SBK1: variants seen among roughly 807,000 people sequenced by gnomAD.
The protein encoded by SBK1 is serine/threonine-protein kinase SBK1.
In SBK1, 11 loss-of-function variants were observed where a neutral mutation model predicts 24.4. The ratio of observed to expected loss-of-function variants is 0.45; its 90% CI spans 0.28 to 0.75. The LOEUF (loss-of-function observed/expected upper bound fraction) is 0.75, where lower values mean the gene tolerates loss of function less well. SBK1 is among the 30% of genes least tolerant of loss of function. The pLI is 0.12. For synonymous variants in SBK1, 308 were observed against 284.4 expected, an observed-to-expected ratio of 1.08 and a Z score of -0.83; for missense variants, 467 against 620.5, an observed-to-expected ratio of 0.75 and a Z score of 2.63.
At chr16:28,282,503 T>C (rs972060488) in intron 1 of SBK1, among the ~76,000 whole-genome samples, 5 of 152,150 alleles carry the variant, frequency 3.3e-5, no homozygotes, top group Admixed American at 6.5e-5. Context: ...AATTTTACAT[T>C]TGTTGGCATG....
rs765998591 is a variant in SBK1, at chr16:28,320,177, C to T, written c.531C>T (p.Pro177=). The change falls in exon 4 of 4, where the codon CCC becomes CCT. Residue 177 remains proline, a synonymous_variant. Coordinates refer to ENST00000341901, the MANE Select transcript of SBK1 (RefSeq NM_001024401.3). This position sits in a 1 kb window ranked among gnomAD's most constrained non-coding sequence, Gnocchi z 8.5. ...AGCTGGTGCACCGCGACATCAAGCC[C>T]GAGAACGTGCTGCTGTTCGACCGCG... is the stretch of plus-strand genomic sequence containing the variant. The part of the protein sequence containing the change: ...GRQLVHRDIK[P]ENVLLFDREC... 6.3e-7 allele frequency: 1 copy of T among 1,591,812 alleles called. No homozygotes were observed. The highest frequency in any genetic ancestry group is 1.3e-5 in the African/African-American group (1 of 74,772).
At chr16:28,263,463 C>G (rs1309102943) in intron 1 of SBK1, among the ~76,000 whole-genome samples, 1 of 152,118 alleles carries the variant, frequency 6.6e-6, no homozygotes, top group Non-Finnish European at 1.5e-5. Context: ...CGGGTAGTAA[C>G]AGCAGCTCAG....
chr16:28,292,943 G>GC lies in SBK1; in HGVS notation c.-360dup. On this transcript the variant is annotated 5_prime_UTR_variant, in exon 1 of 4. Transcript: ENST00000341901. ...CCCGCCCCAAGACCTAGAACGCAGT[G>GC]CCCCCAGGCCGGGATTGCGAGAACC... The GC allele has an allele frequency of 1.0e-6, 1 of 972,054 alleles. No homozygotes were observed. Among genetic ancestry groups the GC allele is most frequent in the Non-Finnish European group, 1.2e-6 (1 of 818,396 alleles). The allele number at this position is 972,054 out of a possible 1,614,324, so 60.2% of individuals were successfully genotyped here.
intron 1 of SBK1, among the ~76,000 whole-genome samples, chr16:28,304,903 C>T (rs1036804631): frequency 9.2e-5 from 14 of 152,014 alleles, no homozygotes; most frequent in African/African-American, 2.2e-4. Context: ...CCACCGCGCA[C>T]GGCAGCGGTA....
intron 1 of SBK1, among the ~76,000 whole-genome samples, chr16:28,311,439 C>A (rs953662206): frequency 1.3e-5 from 2 of 152,056 alleles, no homozygotes; most frequent in Non-Finnish European, 2.9e-5. Context: ...GACACTAAAG[C>A]CTTAGAGAGG....
In SBK1 at chr16:28,320,021, G is replaced by A; in HGVS notation, c.430-55G>A. 7.1e-7 allele frequency: 1 copy of A among 1,415,234 alleles called. No individual in the cohort carries two copies. The highest frequency in any genetic ancestry group is 9.2e-7 in the Non-Finnish European group (1 of 1,089,208). The allele number at this position is 1,415,234 out of a possible 1,614,324, so 87.7% of individuals were successfully genotyped here. ...AGAGAGGGAGCTGGAGGGGAGGGCG[G>A]CGGGGCGGGCGCTGGAGAGCTGGAA... is the stretch of plus-strand genomic sequence containing the variant. On this transcript the variant is annotated intron_variant, in intron 3 of 3. Transcript: ENST00000341901. This position sits in a 1 kb window ranked among gnomAD's most constrained non-coding sequence, Gnocchi z 8.5.
chr16:28,292,435 C>A, upstream of SBK1: 1 of 684,556 alleles, frequency 1.5e-6, no homozygotes, highest in Non-Finnish European at 1.8e-6. Context: ...CCGAGCGGGA[C>A]GGACAAAGGG....
chr16:28,267,122 G>T (rs1026784195), intron 1 of SBK1, among the ~76,000 whole-genome samples: 4 of 152,004 alleles, frequency 2.6e-5, no homozygotes, highest in Admixed American at 2.0e-4. Flanking sequence ...GGCCAAGCTG[G>T]TCTCAAACTC....
At chr16:28,291,739 A>G (rs1361034770), upstream of SBK1, 1 of 152,348 alleles carries the variant, frequency 6.6e-6, no homozygotes, top group Non-Finnish European at 1.5e-5. Context: ...TCAAACAGAC[A>G]ATGCAACATC....
At chr16:28,275,864 G>T (rs1454910263) in intron 1 of SBK1, among the ~76,000 whole-genome samples, 1 of 151,948 alleles carries the variant, frequency 6.6e-6, no homozygotes, top group Non-Finnish European at 1.5e-5. Context: ...TGGCCTGGGT[G>T]ACAGAGGAAG....
chr16:28,276,827 G>A (rs1407231498), intron 1 of SBK1, among the ~76,000 whole-genome samples: 3 of 151,894 alleles, frequency 2.0e-5, no homozygotes, highest in Non-Finnish European at 4.4e-5. Context: ...ACCACGCCCG[G>A]CTAATTTTTT....
intron 2 of SBK1, 53 bp from the exon 3 acceptor site, chr16:28,318,942 T>A (rs938828976): frequency 2.9e-5 from 40 of 1,356,052 alleles, no homozygotes; most frequent in Non-Finnish European, 4.1e-5. Context: ...GTGCATCCAG[T>A]GCGGAGGCAC....
At chr16:28,308,755 G>A (rs1409009781) in intron 1 of SBK1, among the ~76,000 whole-genome samples, 1 of 148,864 alleles carries the variant, frequency 6.7e-6, no homozygotes, top group Non-Finnish European at 1.5e-5. Context: ...GTGTGTGTGT[G>A]TGTGTGTGTG....
chr16:28,280,886 A>G (rs1488289648), intron 1 of SBK1, among the ~76,000 whole-genome samples: 1 of 152,020 alleles, frequency 6.6e-6, no homozygotes, highest in Admixed American at 6.5e-5. Flanking sequence ...ACTGGTCTCG[A>G]ACTCCTGACC....
At position 28,292,946 on chromosome 16, in the gene SBK1, C is replaced by T; in HGVS notation, c.-362C>T. 1 of 974,956 alleles carries T rather than the reference C, an allele frequency of 1.0e-6. No homozygotes were observed. Among genetic ancestry groups the T allele is most frequent in the Non-Finnish European group, 1.2e-6 (1 of 820,484 alleles). The allele number at this position is 974,956 out of a possible 1,614,324, so 60.4% of individuals were successfully genotyped here. A position where few individuals can be genotyped will look rare whatever the true frequency, so the allele number is the denominator to read the frequency against. ...GCCCCAAGACCTAGAACGCAGTGCC[C>T]CCAGGCCGGGATTGCGAGAACCCCC... On this transcript the variant is annotated 5_prime_UTR_variant, in exon 1 of 4. Coordinates refer to ENST00000341901, the MANE Select transcript of SBK1 (RefSeq NM_001024401.3).
At chr16:28,309,857 T>C (rs1177473140) in intron 1 of SBK1, among the ~76,000 whole-genome samples, 1 of 152,208 alleles carries the variant, frequency 6.6e-6, no homozygotes. Context: ...TCTGTGTGTG[T>C]GCGCATGTGT....
chr16:28,275,508 C>T (rs1323363439), intron 1 of SBK1, among the ~76,000 whole-genome samples: 1 of 152,034 alleles, frequency 6.6e-6, no homozygotes, highest in East Asian at 1.9e-4. Context: ...AAGCTTTGTT[C>T]GGGGGCCCAG....
intron 1 of SBK1, among the ~76,000 whole-genome samples, chr16:28,304,825 G>T (rs919900458): frequency 6.6e-6 from 1 of 151,958 alleles, no homozygotes; most frequent in Non-Finnish European, 1.5e-5. Flanking sequence ...AGCCAGGATG[G>T]TCTCGATCTC....
At chr16:28,258,766 A>C (rs924654942), upstream of SBK1, 1 of 152,614 alleles carries the variant, frequency 6.6e-6, no homozygotes, top group Non-Finnish European at 1.5e-5. Flanking sequence ...CAGGGGTCAG[A>C]ACTTTTCTCG....
Sources: gnomAD v4.1 joint callset for allele counts (sites outside exome capture counted in the v4.1 genomes callset) on GRCh38, gnomAD v4.1.1 for gene constraint, Gnocchi (gnomAD v3.1) non-coding constraint, MANE v1.5 for transcripts, NCBI Gene and HGNC (gene_info 2026-07-23, HGNC 2026-07-21) for gene names.